The following SDR42E2 variants were observed in gnomAD, a reference collection of about 807,000 sequenced individuals.
SDR42E2 encodes the protein putative short-chain dehydrogenase/reductase family 42E member 2.
A neutral mutation model predicts 10.5 loss-of-function variants in SDR42E2; 20 were observed. The ratio of observed to expected loss-of-function variants is 1.90; its 90% CI spans 1.34 to 2.77. SDR42E2 has a LOEUF of 2.77. Ranked by LOEUF, SDR42E2 falls within the 30% of genes most tolerant of loss-of-function variation. The pLI, the probability that SDR42E2 is intolerant of heterozygous loss-of-function variation, is 0.00. For synonymous variants in SDR42E2, 72 were observed against 39.2 expected, an observed-to-expected ratio of 1.84 and a Z score of -3.12; for missense variants, 162 against 104.2, an observed-to-expected ratio of 1.55 and a Z score of -2.42.
At chr16:22,167,189 TTTTTTTTTTTTTTTG>T (rs2046551056) in intron 4 of SDR42E2, among the ~76,000 whole-genome samples, 190 bp downstream of exon 4, 1 of 122,722 alleles carries the variant, frequency 8.1e-6, no homozygotes, top group Non-Finnish European at 1.8e-5. Context: ...TTTTTTTTTT[TTTTTTTTTTTTTTTG>T]AGACTGAGTC....
intron 7 of SDR42E2, among the ~76,000 whole-genome samples, chr16:22,177,641 TAAAGAA>T (rs2046655660): frequency 6.9e-6 from 1 of 145,194 alleles, no homozygotes; most frequent in Non-Finnish European, 1.5e-5. Flanking sequence ...AAAAAAGAAA[TAAAGAA>T]AGAAAAAGAA....
intron 9 of SDR42E2, among the ~76,000 whole-genome samples, chr16:22,181,929 G>A (rs560294370): frequency 2.0e-5 from 3 of 152,106 alleles, no homozygotes; most frequent in African/African-American, 7.2e-5. Flanking sequence ...ACATATTGTC[G>A]CATTTAATCT....
intron 7 of SDR42E2, among the ~76,000 whole-genome samples, chr16:22,172,591 T>C (rs1227211351): frequency 6.6e-6 from 1 of 152,200 alleles, no homozygotes; most frequent in East Asian, 1.9e-4. Context: ...GGAAGAGACT[T>C]GAGCAAACCC....
At chr16:22,181,875 G>A (rs545077795) in intron 9 of SDR42E2, among the ~76,000 whole-genome samples, 4 of 152,158 alleles carry the variant, frequency 2.6e-5, no homozygotes, top group Admixed American at 1.3e-4. Flanking sequence ...TGAGGTTGGC[G>A]TTGTTGATCC....
intron 6 of SDR42E2, among the ~76,000 whole-genome samples, chr16:22,171,915 A>C (rs954108483): frequency 6.6e-6 from 1 of 152,200 alleles, no homozygotes; most frequent in Non-Finnish European, 1.5e-5. Flanking sequence ...CGATGTGAAA[A>C]TGCCATGTGA....
chr16:22,189,177 A>G (rs1361183897), intron 12 of SDR42E2, among the ~76,000 whole-genome samples: 1 of 151,314 alleles, frequency 6.6e-6, no homozygotes, highest in African/African-American at 2.4e-5. Context: ...CTCTCTCCTC[A>G]CCCCCCATTA....
At chr16:22,165,828 A>G (rs2046530559) in intron 2 of SDR42E2, among the ~76,000 whole-genome samples, 191 bp downstream of exon 2, 1 of 152,064 alleles carries the variant, frequency 6.6e-6, no homozygotes, top group Non-Finnish European at 1.5e-5. Context: ...CAGGGACTGG[A>G]CCAGGTCTAG....
At chr16:22,165,037 C>G (rs539205143) in intron 1 of SDR42E2, among the ~76,000 whole-genome samples, 1 of 152,316 alleles carries the variant, frequency 6.6e-6, no homozygotes, top group Admixed American at 6.5e-5. Context: ...GCTGCCTTGT[C>G]TCTGACTCTG....
chr16:22,182,701 G>T (rs561916893), intron 10 of SDR42E2, among the ~76,000 whole-genome samples: 1 of 152,112 alleles, frequency 6.6e-6, no homozygotes, highest in African/African-American at 2.4e-5. Context: ...AAGATTTCAC[G>T]TCAAAAACCA....
chr16:22,175,540 C>A (rs1378171398), intron 7 of SDR42E2, among the ~76,000 whole-genome samples: 1 of 137,038 alleles, frequency 7.3e-6, no homozygotes, highest in Non-Finnish European at 1.6e-5. Context: ...ACACTCCTTC[C>A]TTTTTTTTTT....
intron 4 of SDR42E2, 122 bp from the exon 5 acceptor site, chr16:22,169,323 G>T: frequency 1.5e-6 from 1 of 667,616 alleles, no homozygotes; most frequent in Non-Finnish European, 2.7e-6. Flanking sequence ...GGGCCTTCGG[G>T]ATCCCTGCCT....
intron 12 of SDR42E2, among the ~76,000 whole-genome samples, chr16:22,187,187 G>A (rs9930202): frequency 0.023 from 3,517 of 152,146 alleles, 139 homozygotes; most frequent in African/African-American, 0.08. Flanking sequence ...ACAACAGCCT[G>A]GTGGTCCTAG....
At chr16:22,165,909 C>T (rs116875381) in intron 2 of SDR42E2, among the ~76,000 whole-genome samples, 12,226 of 139,856 alleles carry the variant, frequency 0.087, 819 homozygotes, top group East Asian at 0.33. Flanking sequence ...GAGCTAGGTC[C>T]GTACCTGGGC....
chr16:22,185,602 GCAT>G (rs1462806632), intron 11 of SDR42E2, among the ~76,000 whole-genome samples: 2 of 152,072 alleles, frequency 1.3e-5, no homozygotes, highest in Non-Finnish European at 2.9e-5. Context: ...TGGGAGGAAA[GCAT>G]CAGTATTTTT....
In SDR42E2 at chr16:22,181,641, C is replaced by T. The variant is rs1567244017; in HGVS notation, c.795C>T (p.Ala265=). The change falls in exon 9 of 13, where the codon GCC becomes GCT. Residue 265 remains alanine (A), a synonymous_variant. Coordinates refer to ENST00000602312, the MANE Select transcript of SDR42E2 (RefSeq NM_001394319.2). ...TGGCGGCCGAGGCCCTCACCACGGC[C>T]AAGGGCTACGTGGCTGTGAGTCCCC... ...HVLAAEALTT[A]KGYVASGQAY... 4.3e-6 allele frequency: 3 copies of T among 702,816 alleles called. No homozygotes were observed. Among genetic ancestry groups the T allele is most frequent in the Non-Finnish European group, 5.2e-6 (2 of 384,986 alleles). 43.5% of individuals were successfully genotyped at this position (702,816 alleles called of 1,614,324 possible).
At chr16:22,172,532 GA>G (rs1322011869) in intron 7 of SDR42E2, among the ~76,000 whole-genome samples, 1 of 152,232 alleles carries the variant, frequency 6.6e-6, no homozygotes, top group Non-Finnish European at 1.5e-5. Context: ...ATACAGCCCA[GA>G]AGAAGTCAGG....
At chr16:22,175,540 CTTT>C (rs759069697) in intron 7 of SDR42E2, among the ~76,000 whole-genome samples, 11 of 137,012 alleles carry the variant, frequency 8.0e-5, no homozygotes, top group Admixed American at 2.9e-4. Context: ...ACACTCCTTC[CTTT>C]TTTTTTTTTT....
chr16:22,178,089 G>T (rs746838133), intron 7 of SDR42E2, 41 bp from the exon 8 acceptor site: 10 of 696,716 alleles, frequency 1.4e-5, no homozygotes, highest in Non-Finnish European at 2.6e-6. Flanking sequence ...CCTGTGGGCT[G>T]CTCCTCCCCT....
chr16:22,175,013 G>C (rs538334415), intron 7 of SDR42E2, among the ~76,000 whole-genome samples: 1 of 152,108 alleles, frequency 6.6e-6, no homozygotes, highest in Admixed American at 6.6e-5. Flanking sequence ...CTGACTCGGC[G>C]CAGAGGTCCG....
Sources: gnomAD v4.1 joint callset for allele counts (sites outside exome capture counted in the v4.1 genomes callset) on GRCh38, gnomAD v4.1.1 for gene constraint, MANE v1.5 for transcripts, NCBI Gene and HGNC (gene_info 2026-07-23, HGNC 2026-07-21) for gene names.